The following PCDHAC1 variants were observed in gnomAD, a reference collection of about 807,000 sequenced individuals.
PCDHAC1 encodes the protein protocadherin alpha-C1.
In PCDHAC1, 42 loss-of-function variants were observed where a neutral mutation model predicts 60.0. The observed-to-expected ratio is 0.70, with a 90% CI of 0.55 to 0.90. PCDHAC1 has a LOEUF of 0.90. Ranked by LOEUF, PCDHAC1 falls within the 40% of genes least tolerant of loss-of-function variation. The pLI is 0.00. For synonymous variants in PCDHAC1, 468 were observed against 499.3 expected (o/e 0.94, Z 0.84); for missense variants, 1,160 against 1,222.3 (o/e 0.95, Z 0.76).
In PCDHAC1 at chr5:140,927,952, G is replaced by C. The variant is rs1352026553; in HGVS notation, c.1060G>C (p.Ala354Pro). 6 of 1,614,064 alleles carry C rather than the reference G, an allele frequency of 3.7e-6. No homozygotes were observed. In the African/African-American group the frequency reaches 8.0e-5, roughly 22 times the overall value. The change falls in exon 1 of 4, where the codon GCC (alanine) becomes CCC (proline). Residue 354 changes from alanine to proline, a missense_variant. By Grantham distance (27) the Ala-to-Pro change is conservative (BLOSUM62 -1). Around this residue, in one of 3 missense-constraint regions of PCDHAC1, gnomAD observed 1,113 missense variants for 1,163.7 expected, o/e 0.96. Coordinates refer to ENST00000253807, the MANE Select transcript of PCDHAC1 (RefSeq NM_018898.5). ...TLSNPVPEDAAPGTVIALFSV... is the reference protein window; with the variant it reads ...TLSNPVPEDAPPGTVIALFSV... ...TTCGAACCCAGTACCTGAGGACGCTGCCCCTGGCACAGTGATTGCTCTCTT... is the reference window on the plus strand; with the variant it reads ...TTCGAACCCAGTACCTGAGGACGCTCCCCCTGGCACAGTGATTGCTCTCTT...
rs17119334 is a variant in PCDHAC1, at chr5:140,988,093, G to A, written c.2581+5530G>A. On this transcript the variant is annotated intron_variant, in intron 3 of 3. Coordinates refer to ENST00000253807, the MANE Select transcript of PCDHAC1 (RefSeq NM_018898.5). ...CTATTTCATGAGTGAGTGCAGCCTCGGGCCTTGTTGGAGAATTTAGAAAGC... is the reference window on the plus strand; with the variant it reads ...CTATTTCATGAGTGAGTGCAGCCTCAGGCCTTGTTGGAGAATTTAGAAAGC... Among the ~76,000 whole-genome samples the A allele has an allele frequency of 6.9e-3, 1,055 of 152,154 alleles. 47 individuals are homozygous for A. The East Asian group carries it at 0.14, about 21-fold the overall frequency.
At chr5:140,993,795 C>T (rs1301191394) in intron 3 of PCDHAC1, among the ~76,000 whole-genome samples, 2 of 152,128 alleles carry the variant, frequency 1.3e-5, no homozygotes, top group African/African-American at 2.4e-5. Flanking sequence ...ACATGCTGTG[C>T]AGGTTTGTAG....
At chr5:140,987,944 T>C (rs910006070) in intron 3 of PCDHAC1, among the ~76,000 whole-genome samples, 11 of 152,186 alleles carry the variant, frequency 7.2e-5, no homozygotes, top group African/African-American at 2.7e-4. Context: ...CTTACCTGTC[T>C]GACAAAACCA....
intron 3 of PCDHAC1, among the ~76,000 whole-genome samples, chr5:140,994,709 A>C (rs1436733940): frequency 6.6e-6 from 1 of 152,166 alleles, no homozygotes; most frequent in Non-Finnish European, 1.5e-5. Flanking sequence ...TGTCTCAAAA[A>C]AAAATTTAAA....
chr5:140,995,867 G>A (rs1355291744), intron 3 of PCDHAC1, among the ~76,000 whole-genome samples: 1 of 152,152 alleles, frequency 6.6e-6, no homozygotes, highest in Non-Finnish European at 1.5e-5. Flanking sequence ...CTTAATAATT[G>A]TGCAACCTGT....
At chr5:140,973,342 A>ATAGTAATT (rs1437052159) in intron 1 of PCDHAC1, among the ~76,000 whole-genome samples, 4 of 152,344 alleles carry the variant, frequency 2.6e-5, no homozygotes, top group Admixed American at 2.6e-4. Context: ...GTAAAGTGAC[A>ATAGTAATT]TAGTAGTGAA....
At chr5:140,978,896 G>T in intron 1 of PCDHAC1, 53 bp from the exon 2 acceptor site, 1 of 1,612,808 alleles carries the variant, frequency 6.2e-7, no homozygotes, top group South Asian at 1.1e-5. Context: ...CAGCATTCCT[G>T]GGAGAACATT....
intron 1 of PCDHAC1, among the ~76,000 whole-genome samples, chr5:140,939,170 A>G (rs1554212590): frequency 2.0e-5 from 3 of 152,136 alleles, no homozygotes; most frequent in Admixed American, 1.3e-4. Context: ...GTGTCTGGTA[A>G]TGGCCCACTC....
chr5:140,933,494 T>C (rs901456699), intron 1 of PCDHAC1, among the ~76,000 whole-genome samples: 3 of 152,110 alleles, frequency 2.0e-5, no homozygotes, highest in Non-Finnish European at 4.4e-5. Context: ...TTCTTTAGAA[T>C]TGTTAAGCAA....
In PCDHAC1 at chr5:140,929,164, GC is replaced by G. The variant is rs781931769; in HGVS notation, c.2274del (p.Ser759LeufsTer29). On this transcript the variant is annotated frameshift_variant, in exon 1 of 4. Coordinates refer to ENST00000253807, the MANE Select transcript of PCDHAC1 (RefSeq NM_018898.5). LOFTEE classifies it high-confidence loss of function. The part of the protein sequence containing the change: ...ERLSQTYLYR[A>X]SLGLGSDNNS... ...ACTTTCTCAGACTTATCTCTATCGG[GC>G]CTCTCTGGGACTTGGTTCTGATAAT... The G allele has an allele frequency of 1.2e-6, 2 of 1,614,150 alleles. No individual in the cohort carries two copies. The highest frequency in any genetic ancestry group is 1.7e-6 in the Non-Finnish European group (2 of 1,180,024).
intron 1 of PCDHAC1, among the ~76,000 whole-genome samples, chr5:140,937,783 G>A (rs1554211789): frequency 6.7e-6 from 1 of 150,256 alleles, no homozygotes; most frequent in African/African-American, 2.5e-5. Context: ...GTGGTGGCGG[G>A]CGTATGTAGT....
intron 3 of PCDHAC1, among the ~76,000 whole-genome samples, chr5:140,993,020 C>G (rs2097537480): frequency 6.6e-6 from 1 of 152,192 alleles, no homozygotes; most frequent in African/African-American, 2.4e-5. Flanking sequence ...TCCAGCATCC[C>G]CTGTGGGCTC....
intron 1 of PCDHAC1, chr5:140,968,109 A>G (rs2096220086): frequency 6.2e-7 from 1 of 1,614,046 alleles, no homozygotes; most frequent in African/African-American, 1.3e-5. Context: ...GGAATACCGC[A>G]GCTCACATCC....
chr5:140,966,075 T>C (rs1164431515), intron 1 of PCDHAC1: 1 of 153,402 alleles, frequency 6.5e-6, no homozygotes, highest in Non-Finnish European at 1.4e-5. Context: ...CCCTGCGTTG[T>C]TTCCTTTTAA....
chr5:140,933,739 G>A (rs531821370), intron 1 of PCDHAC1, among the ~76,000 whole-genome samples: 18 of 151,856 alleles, frequency 1.2e-4, no homozygotes, highest in Admixed American at 3.9e-4. Flanking sequence ...TTAAATATTT[G>A]GTAGAATTCA....
At chr5:140,942,754 A>C (rs1157116096) in intron 1 of PCDHAC1, among the ~76,000 whole-genome samples, 1 of 152,212 alleles carries the variant, frequency 6.6e-6, no homozygotes, top group African/African-American at 2.4e-5. Context: ...TGTATAAATG[A>C]GATGGCATAA....
At chr5:140,951,682 C>T (rs1327606119) in intron 1 of PCDHAC1, among the ~76,000 whole-genome samples, 1 of 152,146 alleles carries the variant, frequency 6.6e-6, no homozygotes, top group East Asian at 1.9e-4. Flanking sequence ...TTGGGGATTA[C>T]AATGTGACAT....
intron 1 of PCDHAC1, chr5:140,930,415 G>T (rs2086824319): frequency 6.6e-6 from 1 of 151,804 alleles, no homozygotes; most frequent in African/African-American, 2.4e-5. Flanking sequence ...TGAGACAGGG[G>T]TCTCACTATG....
intron 3 of PCDHAC1, among the ~76,000 whole-genome samples, chr5:141,003,809 G>C (rs1554259330): frequency 6.6e-6 from 1 of 152,290 alleles, no homozygotes; most frequent in African/African-American, 2.4e-5. Flanking sequence ...GTAATCTGTA[G>C]TCTGGGAAGG....
Sources: gnomAD v4.1 joint callset for allele counts (sites outside exome capture counted in the v4.1 genomes callset) on GRCh38, gnomAD v4.1.1 for gene constraint, gnomAD v4.1.1 regional missense constraint, MANE v1.5 for transcripts, NCBI Gene and HGNC (gene_info 2026-07-23, HGNC 2026-07-21) for gene names.